Variants in ERC2 observed in about 807,000 individuals in gnomAD.
The protein encoded by ERC2 is ELKS/RAB6-interacting/CAST family member 2, also known as ERC protein 2.
A neutral mutation model predicts 114.8 loss-of-function variants in ERC2; 42 were observed. The ratio of observed to expected loss-of-function variants is 0.37; its 90% confidence interval spans 0.29 to 0.47. The LOEUF is 0.47. Among genes scored for constraint, ERC2 ranks in the 20% least tolerant of loss-of-function variants. The pLI, the probability that ERC2 is intolerant of heterozygous loss-of-function variation, is 0.99. For missense variants in ERC2, 939 were observed against 1,150.7 expected (o/e 0.82, Z 2.66); for synonymous variants, 454 against 425.5 (o/e 1.07, Z -0.82).
chr3:55,819,562 T>C (rs2060037732), intron 14 of ERC2, among the ~76,000 whole-genome samples: 1 of 152,220 alleles, frequency 6.6e-6, no homozygotes, highest in South Asian at 2.1e-4. Flanking sequence ...ACTACACTAT[T>C]TATTTTGGCA....
At chr3:55,693,384 T>C (rs2062760722) in intron 16 of ERC2, among the ~76,000 whole-genome samples, 1 of 152,160 alleles carries the variant, frequency 6.6e-6, no homozygotes, top group Non-Finnish European at 1.5e-5. Context: ...TTGCTCCAGA[T>C]CCTTACATGT....
intron 7 of ERC2, among the ~76,000 whole-genome samples, chr3:56,020,310 C>T (rs924421167): frequency 6.6e-6 from 1 of 152,258 alleles, no homozygotes; most frequent in Non-Finnish European, 1.5e-5. Context: ...TTCCATCCTT[C>T]GTTCCACCTT....
intron 14 of ERC2, among the ~76,000 whole-genome samples, chr3:55,860,232 A>C (rs1038119780): frequency 2.0e-5 from 3 of 152,142 alleles, no homozygotes; most frequent in African/African-American, 4.8e-5. Flanking sequence ...TTGAAAGAGG[A>C]AAGAGTCTGT....
intron 17 of ERC2, chr3:55,612,772 T>C (rs927185560): frequency 2.6e-5 from 4 of 152,224 alleles, no homozygotes; most frequent in South Asian, 2.1e-4. Context: ...AGTAAACTTA[T>C]AGAATTGTGC....
intron 17 of ERC2, among the ~76,000 whole-genome samples, chr3:55,525,977 T>C (rs1333136755): frequency 2.0e-5 from 3 of 152,202 alleles, no homozygotes; most frequent in Non-Finnish European, 2.9e-5. Context: ...TTTGCAGATA[T>C]ATTTGAATTA....
intron 3 of ERC2, 82 bp from the exon 4 acceptor site, chr3:56,173,602 T>G: frequency 3.1e-6 from 4 of 1,308,176 alleles, no homozygotes; most frequent in Non-Finnish European, 4.3e-6. Flanking sequence ...CTACACAGCC[T>G]GCTGGGTCCT....
chr3:55,787,267 T>C (rs1168651032), intron 14 of ERC2, among the ~76,000 whole-genome samples: 2 of 151,918 alleles, frequency 1.3e-5, no homozygotes, highest in Non-Finnish European at 1.5e-5. Context: ...AATACAAAAA[T>C]TAGCTGGGTG....
chr3:56,183,423 T>C (rs1245040453), intron 3 of ERC2, among the ~76,000 whole-genome samples: 1 of 152,196 alleles, frequency 6.6e-6, no homozygotes, highest in African/African-American at 2.4e-5. Context: ...AGCTATTTCA[T>C]CGCGTAGAGA....
At chr3:55,967,046 A>T (rs988119493) in intron 12 of ERC2, among the ~76,000 whole-genome samples, 1 of 152,166 alleles carries the variant, frequency 6.6e-6, no homozygotes, top group Non-Finnish European at 1.5e-5. Flanking sequence ...ACTAAAAACT[A>T]TCTGATACTC....
At chr3:56,067,391 T>A (rs573760638) in intron 7 of ERC2, among the ~76,000 whole-genome samples, 263 of 152,308 alleles carry the variant, frequency 1.7e-3, no homozygotes, top group Non-Finnish European at 1.1e-3. Flanking sequence ...ATTTTGCACA[T>A]TGATTTTGTA....
chr3:56,413,560 T>C (rs1256737306), intron 2 of ERC2, among the ~76,000 whole-genome samples: 7 of 152,162 alleles, frequency 4.6e-5, no homozygotes, highest in Admixed American at 3.3e-4. Context: ...ATTTGACTAC[T>C]GGTCTCTAAG....
At chr3:55,717,697 A>G (rs1432364436) in intron 15 of ERC2, among the ~76,000 whole-genome samples, 1 of 152,208 alleles carries the variant, frequency 6.6e-6, no homozygotes, top group Non-Finnish European at 1.5e-5. Flanking sequence ...CAATCGTTTG[A>G]CTGGAGAATG....
At chr3:56,189,046 C>A (rs1363692446) in intron 3 of ERC2, among the ~76,000 whole-genome samples, 1 of 151,558 alleles carries the variant, frequency 6.6e-6, no homozygotes, top group Non-Finnish European at 1.5e-5. Flanking sequence ...CCAATCTTAT[C>A]CCCAGTTTTC....
At chr3:56,371,347 A>C (rs1037982465) in intron 2 of ERC2, among the ~76,000 whole-genome samples, 1 of 152,208 alleles carries the variant, frequency 6.6e-6, no homozygotes, top group African/African-American at 2.4e-5. Context: ...TAATTAGCCC[A>C]TCTGCAGCTT....
At chr3:56,426,684 TGAG>T (rs1259591318) in intron 2 of ERC2, among the ~76,000 whole-genome samples, 2 of 152,192 alleles carry the variant, frequency 1.3e-5, no homozygotes, top group Non-Finnish European at 2.9e-5. Context: ...GCTGCTGTTC[TGAG>T]GAGAAGGTGG....
intron 14 of ERC2, among the ~76,000 whole-genome samples, chr3:55,749,600 C>A (rs2066533938): frequency 6.6e-6 from 1 of 152,184 alleles, no homozygotes; most frequent in East Asian, 1.9e-4. Context: ...ACGCACCAAT[C>A]AGTGCTCTGT....
intron 14 of ERC2, among the ~76,000 whole-genome samples, chr3:55,778,495 A>G (rs2068781806): frequency 6.6e-6 from 1 of 152,242 alleles, no homozygotes; most frequent in African/African-American, 2.4e-5. Flanking sequence ...TTCAAAAGAC[A>G]GGAAATCCAG....
At chr3:56,014,564 A>G (rs1332549358) in intron 8 of ERC2, among the ~76,000 whole-genome samples, 1 of 152,168 alleles carries the variant, frequency 6.6e-6, no homozygotes, top group Admixed American at 6.6e-5. Flanking sequence ...AGACTCCCAC[A>G]GACCTCAGAT....
At chr3:55,727,358 G>C (rs938327819) in intron 15 of ERC2, among the ~76,000 whole-genome samples, 1 of 152,142 alleles carries the variant, frequency 6.6e-6, no homozygotes, top group Non-Finnish European at 1.5e-5. Context: ...CGAAGTAAAA[G>C]TATCAGAGGT....
Sources: allele counts gnomAD v4.1 joint callset (sites outside exome capture counted in the v4.1 genomes callset), GRCh38; gene constraint gnomAD v4.1.1; transcripts MANE v1.5; gene names NCBI Gene and HGNC (gene_info 2026-07-23, HGNC 2026-07-21).